Variants in KIAA0825 observed in about 807,000 individuals in gnomAD.
KIAA0825 encodes the protein KIAA0825.
A neutral mutation model predicts 147.6 loss-of-function variants in KIAA0825; 119 were observed. That is an observed-to-expected ratio of 0.81 (90% CI 0.69 to 0.94). The LOEUF (loss-of-function observed/expected upper bound fraction) is 0.94. Ranked by LOEUF, KIAA0825 falls within the 40% of genes least tolerant of loss-of-function variation. The pLI is 0.00. For missense variants in KIAA0825, 1,381 were observed against 1,472.7 expected (o/e 0.94, Z 1.02); for synonymous variants, 470 against 518.1 (o/e 0.91, Z 1.26).
chr5:94,609,361 C>CT (rs916537892), intron 1 of KIAA0825, among the ~76,000 whole-genome samples: 5 of 151,720 alleles, frequency 3.3e-5, no homozygotes, highest in Admixed American at 2.0e-4. Flanking sequence ...AAAAATATAG[C>CT]TTTTTTTTAA....
At chr5:94,524,739 T>C (rs554895098) in intron 3 of KIAA0825, among the ~76,000 whole-genome samples, 1 of 151,894 alleles carries the variant, frequency 6.6e-6, no homozygotes, top group East Asian at 1.9e-4. Flanking sequence ...TGTAATTAGG[T>C]AAGTTTTAAA....
At chr5:94,536,730 G>C (rs540119763) in intron 3 of KIAA0825, among the ~76,000 whole-genome samples, 27 of 152,250 alleles carry the variant, frequency 1.8e-4, no homozygotes, top group South Asian at 1.7e-3. Context: ...ACATTGACAA[G>C]CTCTAAGAAA....
intron 20 of KIAA0825, among the ~76,000 whole-genome samples, chr5:94,173,856 A>G (rs2149956668): frequency 6.6e-6 from 1 of 152,286 alleles, no homozygotes; most frequent in African/African-American, 2.4e-5. Flanking sequence ...GGAAAGCAAC[A>G]TAGAGCTTCC....
chr5:94,503,304 T>C (rs1278756895), intron 5 of KIAA0825, among the ~76,000 whole-genome samples: 1 of 151,926 alleles, frequency 6.6e-6, no homozygotes, highest in African/African-American at 2.4e-5. Context: ...AAATAAGCAA[T>C]CTCTATTTTA....
At chr5:94,406,051 T>A (rs920939371) in intron 15 of KIAA0825, among the ~76,000 whole-genome samples, 1 of 152,020 alleles carries the variant, frequency 6.6e-6, no homozygotes, top group Non-Finnish European at 1.5e-5. Flanking sequence ...CTCAGCCTCC[T>A]GAGTAGCTGG....
chr5:94,336,783 G>A (rs775232082), intron 20 of KIAA0825, among the ~76,000 whole-genome samples: 10 of 152,096 alleles, frequency 6.6e-5, no homozygotes, highest in Admixed American at 3.3e-4. Flanking sequence ...ACCCAGTAAT[G>A]AGATTGCTGG....
At chr5:94,558,526 A>G (rs1776984024) in intron 2 of KIAA0825, among the ~76,000 whole-genome samples, 1 of 152,148 alleles carries the variant, frequency 6.6e-6, no homozygotes, top group Non-Finnish European at 1.5e-5. Flanking sequence ...ACTGCCCAAC[A>G]CTTACATTTT....
intron 20 of KIAA0825, among the ~76,000 whole-genome samples, chr5:94,174,365 C>G (rs1057198208): frequency 1.3e-4 from 19 of 151,940 alleles, no homozygotes; most frequent in Non-Finnish European, 2.8e-4. Context: ...GTTTGCAAAT[C>G]CAAGTAAATA....
chr5:94,257,935 T>C (rs1013706064), intron 20 of KIAA0825, among the ~76,000 whole-genome samples: 1 of 152,038 alleles, frequency 6.6e-6, no homozygotes, highest in Non-Finnish European at 1.5e-5. Flanking sequence ...AGGAGTTAGT[T>C]CAAAATTCTC....
intron 5 of KIAA0825, among the ~76,000 whole-genome samples, chr5:94,498,528 G>C (rs1764646213): frequency 6.6e-6 from 1 of 152,226 alleles, no homozygotes; most frequent in Non-Finnish European, 1.5e-5. Context: ...CATTCTTCCA[G>C]AGGTTTAATT....
At chr5:94,563,685 A>AT (rs202239205) in intron 2 of KIAA0825, among the ~76,000 whole-genome samples, 1,996 of 152,036 alleles carry the variant, frequency 0.013, 43 homozygotes, top group African/African-American at 0.045. Flanking sequence ...CCTTTTTTAA[A>AT]TTTTTTTTAT....
intron 1 of KIAA0825, chr5:94,594,094 G>A: frequency 1.8e-6 from 1 of 543,690 alleles, no homozygotes; most frequent in South Asian, 1.4e-5. Context: ...TCTTATGTTA[G>A]TGTTTCTTGG....
At chr5:94,361,939 G>C (rs989333376) in intron 20 of KIAA0825, among the ~76,000 whole-genome samples, 13 of 152,182 alleles carry the variant, frequency 8.5e-5, no homozygotes, top group African/African-American at 3.1e-4. Flanking sequence ...CTGAAGAACA[G>C]TGTGTGCAGA....
At position 94,502,146 on chromosome 5, in the gene KIAA0825, T is replaced by C. The variant is rs74788564; in HGVS notation, c.971-17216A>G. Reference sequence around the variant, plus strand: ...TAGGGTTAAGGGTAGGTAAGGTAAATAAGACCTAATACTTTTCACATTATA... The same window carrying C: ...TAGGGTTAAGGGTAGGTAAGGTAAACAAGACCTAATACTTTTCACATTATA... On this transcript the variant is annotated intron_variant, in intron 5 of 20. Transcript: ENST00000682413. 7.8e-3 allele frequency among the ~76,000 whole-genome samples: 1,184 copies of C among 152,204 alleles called. 16 individuals carry two copies. Among genetic ancestry groups the C allele is most frequent in the African/African-American group, 0.027 (1,120 of 41,540 alleles).
At chr5:94,573,617 C>T (rs1334140082) in intron 2 of KIAA0825, among the ~76,000 whole-genome samples, 2 of 152,124 alleles carry the variant, frequency 1.3e-5, no homozygotes, top group African/African-American at 4.8e-5. Context: ...CAACAGATGA[C>T]AAATGTTTCC....
At chr5:94,548,708 C>T (rs943505266) in intron 2 of KIAA0825, among the ~76,000 whole-genome samples, 23 of 151,836 alleles carry the variant, frequency 1.5e-4, no homozygotes, top group African/African-American at 5.6e-4. Context: ...GACTGAAAAC[C>T]GAGGGATGGA....
intron 20 of KIAA0825, among the ~76,000 whole-genome samples, chr5:94,213,650 A>G (rs1420430660): frequency 6.6e-6 from 1 of 152,172 alleles, no homozygotes; most frequent in Non-Finnish European, 1.5e-5. Flanking sequence ...AACATTGTTT[A>G]TGTCTGTGAA....
chr5:94,466,252 A>G (rs1171685368), intron 10 of KIAA0825, among the ~76,000 whole-genome samples: 1 of 152,212 alleles, frequency 6.6e-6, no homozygotes, highest in African/African-American at 2.4e-5. Flanking sequence ...TATCTTCTGC[A>G]GCCAATGAAA....
intron 20 of KIAA0825, among the ~76,000 whole-genome samples, chr5:94,227,297 A>T (rs1649443322): frequency 1.3e-5 from 2 of 152,034 alleles, no homozygotes; most frequent in Non-Finnish European, 2.9e-5. Context: ...TATCGCAAGA[A>T]CAAAAAACCA....
Sources: gnomAD v4.1 joint callset for allele counts (sites outside exome capture counted in the v4.1 genomes callset) on GRCh38, gnomAD v4.1.1 for gene constraint, MANE v1.5 for transcripts, NCBI Gene and HGNC (gene_info 2026-07-23, HGNC 2026-07-21) for gene names.